IKZF2: variants seen among roughly 807,000 people sequenced by gnomAD.
IKZF2 encodes IKAROS family zinc finger 2.
In IKZF2, 15 loss-of-function variants were observed where a neutral mutation model predicts 49.2. That is an observed-to-expected ratio of 0.30 (90% CI 0.20 to 0.47). IKZF2 has a LOEUF of 0.47. IKZF2 is among the 20% of genes least tolerant of loss of function. The probability of loss-of-function intolerance (pLI) is 1.00; values close to 1 mark genes in which losing one functional copy is unlikely to be tolerated. For missense variants in IKZF2, 567 were observed against 664.6 expected (o/e 0.85, Z 1.61); for synonymous variants, 227 against 221.4 (o/e 1.03, Z -0.23).
rs182449127 is a variant in IKZF2 at position 213,075,142 on chromosome 2, T to C, written c.140-18043A>G. ...AAAGTTTTGTTCTGTTCTGCTGGCT[T>C]AATATGGCCTTATCGTTATTTCAAC... On this transcript the variant is annotated intron_variant, in intron 4 of 8. Transcript: ENST00000434687. 2.2e-4 allele frequency among the ~76,000 whole-genome samples: 33 copies of C among 152,290 alleles called. No homozygotes were observed. In the East Asian group the frequency reaches 5.6e-3, roughly 26 times the overall value.
At chr2:213,126,569 T>C (rs1192759820) in intron 4 of IKZF2, among the ~76,000 whole-genome samples, 2 of 152,172 alleles carry the variant, frequency 1.3e-5, no homozygotes, top group Non-Finnish European at 2.9e-5. Flanking sequence ...TGCTTTAAGC[T>C]TATAAATAAT....
intron 4 of IKZF2, among the ~76,000 whole-genome samples, chr2:213,142,003 C>A (rs1041197866): frequency 5.9e-5 from 9 of 151,928 alleles, no homozygotes. Flanking sequence ...TAGGTATCAT[C>A]AAGTGAGAAT....
chr2:213,078,136 T>C (rs1261595792), intron 4 of IKZF2, among the ~76,000 whole-genome samples: 1 of 152,142 alleles, frequency 6.6e-6, no homozygotes, highest in African/African-American at 2.4e-5. Context: ...AAAAAAACAA[T>C]TCATGAATAC....
intron 6 of IKZF2, among the ~76,000 whole-genome samples, chr2:213,023,859 G>T (rs1300026858): frequency 6.6e-6 from 1 of 152,078 alleles, no homozygotes; most frequent in Non-Finnish European, 1.5e-5. Flanking sequence ...TGATGCCTCT[G>T]TTGTACTATG....
chr2:213,074,151 C>A (rs1275525945), intron 4 of IKZF2, among the ~76,000 whole-genome samples: 2 of 152,170 alleles, frequency 1.3e-5, no homozygotes, highest in East Asian at 1.9e-4. Context: ...TACTTTTTAA[C>A]CCCATATAAA....
At chr2:213,049,447 G>A (rs1700475788) in intron 6 of IKZF2, among the ~76,000 whole-genome samples, 1 of 151,992 alleles carries the variant, frequency 6.6e-6, no homozygotes, top group South Asian at 2.1e-4. Context: ...TAAAATTATA[G>A]AAAATATATA....
At chr2:213,150,273 A>G in intron 1 of IKZF2, 26 bp from the exon 2 acceptor site, 6 of 985,938 alleles carry the variant, frequency 6.1e-6, no homozygotes, top group Non-Finnish European at 4.3e-6. Context: ...GGGAGAAAGA[A>G]AGAAGTTTTT....
intron 6 of IKZF2, among the ~76,000 whole-genome samples, chr2:213,045,309 A>G (rs1454368924): frequency 6.6e-6 from 1 of 152,246 alleles, no homozygotes; most frequent in East Asian, 1.9e-4. Flanking sequence ...TTAGCTGTAC[A>G]ATCTTTACTG....
chr2:213,057,178 A>G (rs1428397668), intron 4 of IKZF2, 79 bp from the exon 5 acceptor site: 3 of 1,229,978 alleles, frequency 2.4e-6, no homozygotes, highest in East Asian at 2.5e-5. Flanking sequence ...ACTCATTGTC[A>G]TCCTACTAAA....
intron 4 of IKZF2, among the ~76,000 whole-genome samples, chr2:213,075,665 T>G (rs1267719187): frequency 1.3e-5 from 2 of 152,124 alleles, no homozygotes; most frequent in Non-Finnish European, 2.9e-5. Flanking sequence ...AAAGGAAACA[T>G]TTGATTAATT....
chr2:213,051,145 C>T (rs1327504229), intron 5 of IKZF2, among the ~76,000 whole-genome samples: 1 of 151,834 alleles, frequency 6.6e-6, no homozygotes, highest in African/African-American at 2.4e-5. Context: ...TGACATAATG[C>T]AAACTCAATG....
intron 6 of IKZF2, among the ~76,000 whole-genome samples, chr2:213,040,892 C>A (rs1457531543): frequency 6.6e-6 from 1 of 151,940 alleles, no homozygotes. Flanking sequence ...CTGAGGCAGG[C>A]GAATCACCTG....
chr2:213,108,502 C>A (rs1463121913), intron 4 of IKZF2, among the ~76,000 whole-genome samples: 1 of 152,034 alleles, frequency 6.6e-6, no homozygotes, highest in African/African-American at 2.4e-5. Flanking sequence ...ACTGATATGA[C>A]CTGAGATCTG....
At chr2:213,081,338 C>T (rs961401027) in intron 4 of IKZF2, 1 of 153,446 alleles carries the variant, frequency 6.5e-6, no homozygotes, top group African/African-American at 2.4e-5. Flanking sequence ...TCTATAATAT[C>T]CTCCAAGTAG....
chr2:213,129,415 G>A (rs754877227), intron 4 of IKZF2, among the ~76,000 whole-genome samples: 2 of 150,248 alleles, frequency 1.3e-5, no homozygotes, highest in Admixed American at 6.7e-5. Flanking sequence ...GGAAGAAAAC[G>A]TGTCCCAAAC....
chr2:213,120,897 C>A (rs1456051408), intron 4 of IKZF2, among the ~76,000 whole-genome samples: 1 of 152,090 alleles, frequency 6.6e-6, no homozygotes, highest in East Asian at 1.9e-4. Flanking sequence ...CGTGCCACAA[C>A]GCCCAGCTAA....
At chr2:213,131,435 AAAT>A (rs1425093338) in intron 4 of IKZF2, among the ~76,000 whole-genome samples, 1 of 152,152 alleles carries the variant, frequency 6.6e-6, no homozygotes, top group African/African-American at 2.4e-5. Context: ...TCATTACTCA[AAAT>A]AATAATAGTA....
intron 6 of IKZF2, among the ~76,000 whole-genome samples, chr2:213,028,054 A>G (rs1698006675): frequency 1.3e-5 from 2 of 152,260 alleles, no homozygotes; most frequent in South Asian, 4.1e-4. Context: ...GTCTATGGCT[A>G]TTTCAACTTA....
rs1047346938 is a variant in IKZF2 at position 213,063,156 on chromosome 2, G to A, written c.140-6057C>T. ...GACATGTCCAGACACTGGTGTCACT[G>A]AGCTGCAGCTGAGCCACTTCTGGGT... On this transcript the variant is annotated intron_variant, in intron 4 of 8. Transcript: ENST00000434687. Among the ~76,000 whole-genome samples, 10 of 152,110 alleles carry A rather than the reference G, an allele frequency of 6.6e-5. 3 individuals carry two copies. The highest frequency in any genetic ancestry group is 6.6e-4 in the Admixed American group (10 of 15,238).
Sources: gnomAD v4.1 joint callset for allele counts (sites outside exome capture counted in the v4.1 genomes callset) on GRCh38, gnomAD v4.1.1 for gene constraint, MANE v1.5 for transcripts, NCBI Gene and HGNC (gene_info 2026-07-23, HGNC 2026-07-21) for gene names.